GALNTL6: variants seen among roughly 807,000 people sequenced by gnomAD.
The protein encoded by GALNTL6 is polypeptide N-acetylgalactosaminyltransferase-like 6.
A neutral mutation model predicts 73.7 loss-of-function variants in GALNTL6; 46 were observed. The observed-to-expected ratio is 0.62, with a 90% CI of 0.49 to 0.80. The LOEUF (loss-of-function observed/expected upper bound fraction) is 0.80, where lower values mean the gene tolerates loss of function less well. GALNTL6 is among the 30% of genes least tolerant of loss of function. The pLI, the probability that GALNTL6 is intolerant of heterozygous loss-of-function variation, is 0.00. For missense variants in GALNTL6, 604 were observed against 755.0 expected (o/e 0.80, Z 2.34); for synonymous variants, 259 against 263.7 (o/e 0.98, Z 0.17).
chr4:172,936,064 A>G (rs1748601395), intron 9 of GALNTL6, among the ~76,000 whole-genome samples: 1 of 152,228 alleles, frequency 6.6e-6, no homozygotes, highest in Non-Finnish European at 1.5e-5. Context: ...CCAGCAGCAC[A>G]TCATAAAGCT....
At chr4:171,969,119 G>C (rs1843503) in intron 2 of GALNTL6, among the ~76,000 whole-genome samples, 1 of 151,876 alleles carries the variant, frequency 6.6e-6, no homozygotes, top group African/African-American at 2.4e-5. Context: ...ACAGGCATGA[G>C]CCACCGCGCC....
At chr4:172,175,531 A>G (rs968736639) in intron 2 of GALNTL6, among the ~76,000 whole-genome samples, 3 of 152,202 alleles carry the variant, frequency 2.0e-5, no homozygotes, top group African/African-American at 7.2e-5. Context: ...TTAAAAAATG[A>G]ATTTTATGTC....
At chr4:171,919,587 G>A (rs754543489) in intron 2 of GALNTL6, among the ~76,000 whole-genome samples, 3 of 151,920 alleles carry the variant, frequency 2.0e-5, no homozygotes, top group Non-Finnish European at 1.5e-5. Context: ...ATACTTATAG[G>A]CACCTGAAAG....
chr4:172,558,496 C>T (rs1736226626), intron 5 of GALNTL6, among the ~76,000 whole-genome samples: 1 of 151,946 alleles, frequency 6.6e-6, no homozygotes, highest in Admixed American at 6.5e-5. Context: ...GATGTGTGTG[C>T]ACAGAAAAAA....
chr4:172,771,946 C>T (rs1738789206), intron 5 of GALNTL6, among the ~76,000 whole-genome samples: 1 of 151,996 alleles, frequency 6.6e-6, no homozygotes, highest in Non-Finnish European at 1.5e-5. Flanking sequence ...CTGATAAAGA[C>T]ATACCCGAGA....
intron 5 of GALNTL6, among the ~76,000 whole-genome samples, chr4:172,714,992 C>A (rs1734975473): frequency 6.7e-6 from 1 of 149,624 alleles, no homozygotes; most frequent in African/African-American, 2.5e-5. Context: ...ACATTTACTT[C>A]AAAAAAAAAA....
chr4:172,966,192 C>T (rs1393258590), intron 10 of GALNTL6, among the ~76,000 whole-genome samples: 1 of 152,074 alleles, frequency 6.6e-6, no homozygotes, highest in African/African-American at 2.4e-5. Flanking sequence ...ATAGGAATAC[C>T]TCCACCCTAC....
In GALNTL6 at chr4:171,924,189, C is replaced by G. The variant is rs900701972; in HGVS notation, c.138+109471C>G. On this transcript the variant is annotated intron_variant, in intron 2 of 12. Transcript: ENST00000506823. ...AAAAAATACACCACACACATACACACACACACACACACACACACACACACA... is the reference window on the plus strand; with the variant it reads ...AAAAAATACACCACACACATACACAGACACACACACACACACACACACACA... Among the ~76,000 whole-genome samples, 14 of 147,876 alleles carry G rather than the reference C, an allele frequency of 9.5e-5. No homozygotes were observed. In the East Asian group the frequency reaches 2.6e-3, roughly 28 times the overall value.
chr4:172,243,215 AT>A (rs1192973402), intron 3 of GALNTL6, among the ~76,000 whole-genome samples: 1 of 152,092 alleles, frequency 6.6e-6, no homozygotes, highest in African/African-American at 2.4e-5. Context: ...AGCACTTCTC[AT>A]ACATATCTTC....
intron 5 of GALNTL6, among the ~76,000 whole-genome samples, chr4:172,640,742 AG>A (rs2111120756): frequency 6.6e-6 from 1 of 152,226 alleles, no homozygotes; most frequent in Non-Finnish European, 1.5e-5. Flanking sequence ...ACCTTTTTGA[AG>A]GCCCTGCCTC....
chr4:172,621,966 T>C (rs550416320), intron 5 of GALNTL6, among the ~76,000 whole-genome samples: 17 of 152,294 alleles, frequency 1.1e-4, no homozygotes, highest in African/African-American at 3.8e-4. Context: ...CCGAGGTTTC[T>C]GTGTTATCCA....
chr4:172,339,267 A>ACT (rs1358062419), intron 4 of GALNTL6, among the ~76,000 whole-genome samples: 1 of 84,268 alleles, frequency 1.2e-5, no homozygotes, highest in Non-Finnish European at 2.4e-5. Flanking sequence ...CCACACACAC[A>ACT]CACACACACA....
chr4:172,528,465 C>G (rs1337908567), intron 5 of GALNTL6, among the ~76,000 whole-genome samples: 1 of 150,742 alleles, frequency 6.6e-6, no homozygotes, highest in Admixed American at 6.6e-5. Flanking sequence ...TCAAGTGATT[C>G]TCCTGCCTCA....
At chr4:172,255,796 A>G (rs1176932310) in intron 3 of GALNTL6, among the ~76,000 whole-genome samples, 1 of 151,268 alleles carries the variant, frequency 6.6e-6, no homozygotes, top group Non-Finnish European at 1.5e-5. Context: ...TTTTATTTTC[A>G]TACTAGAAAT....
chr4:171,843,626 G>A (rs1262151494), intron 2 of GALNTL6, among the ~76,000 whole-genome samples: 1 of 152,092 alleles, frequency 6.6e-6, no homozygotes, highest in Non-Finnish European at 1.5e-5. Context: ...AGGCAGTGAG[G>A]ATAGGCTCTC....
chr4:171,976,770 T>C (rs1739735863), intron 2 of GALNTL6, among the ~76,000 whole-genome samples: 1 of 152,104 alleles, frequency 6.6e-6, no homozygotes, highest in African/African-American at 2.4e-5. Context: ...GGACCATGAG[T>C]GAATGAAAGG....
intron 2 of GALNTL6, among the ~76,000 whole-genome samples, chr4:171,858,249 C>T (rs1389359988): frequency 6.6e-6 from 1 of 152,032 alleles, no homozygotes; most frequent in Non-Finnish European, 1.5e-5. Context: ...AGACAGTTAT[C>T]TTCACTGAAA....
At chr4:172,863,398 T>C (rs1446047074) in intron 7 of GALNTL6, among the ~76,000 whole-genome samples, 1 of 152,138 alleles carries the variant, frequency 6.6e-6, no homozygotes, top group South Asian at 2.1e-4. Context: ...CAAATCCACA[T>C]AGGCGGAGCT....
At chr4:172,751,686 G>A (rs2110783580) in intron 5 of GALNTL6, among the ~76,000 whole-genome samples, 1 of 152,312 alleles carries the variant, frequency 6.6e-6, no homozygotes, top group Admixed American at 6.5e-5. Flanking sequence ...CCAATTGACA[G>A]CCTCTGGGCA....
Sources: allele counts gnomAD v4.1 joint callset (sites outside exome capture counted in the v4.1 genomes callset), GRCh38; gene constraint gnomAD v4.1.1; transcripts MANE v1.5; gene names NCBI Gene and HGNC (gene_info 2026-07-23, HGNC 2026-07-21).